RNF38: variants seen among roughly 807,000 people sequenced by gnomAD.
RNF38 encodes the protein ring finger protein 38.
In RNF38, 15 loss-of-function variants were observed where a neutral mutation model predicts 67.2. That is an observed-to-expected ratio of 0.22 (90% CI 0.15 to 0.34). The LOEUF (loss-of-function observed/expected upper bound fraction) is 0.34, where lower values mean the gene tolerates loss of function less well. Among genes scored for constraint, RNF38 ranks in the 10% least tolerant of loss-of-function variants. RNF38 has a pLI of 1.00. For synonymous variants in RNF38, 220 were observed against 218.8 expected, an observed-to-expected ratio of 1.01 and a Z score of -0.05; for missense variants, 524 against 639.9, an observed-to-expected ratio of 0.82 and a Z score of 1.95.
chr9:36,338,041 G>A lies in RNF38; in HGVS notation c.*1711C>T, dbSNP rs1395842228. ...TAACACTGAATGGAAAACTGACACA[G>A]AGCCAACTGAAAGTTGAGTGGGGCT... On this transcript the variant is annotated 3_prime_UTR_variant, in exon 12 of 12. Coordinates refer to ENST00000259605, the MANE Select transcript of RNF38 (RefSeq NM_022781.5). 6.5e-6 allele frequency: 1 copy of A among 152,678 alleles called. No individual in the cohort carries two copies. Among genetic ancestry groups the A allele is most frequent in the African/African-American group, 2.4e-5 (1 of 41,464 alleles). The allele number at this position is 152,678 out of a possible 1,614,324, so 9.5% of individuals were successfully genotyped here. A position where few individuals can be genotyped will look rare whatever the true frequency, so the allele number is the denominator to read the frequency against.
At chr9:36,372,831 A>G (rs1165790438) in intron 3 of RNF38, among the ~76,000 whole-genome samples, 1 of 152,012 alleles carries the variant, frequency 6.6e-6, no homozygotes, top group Non-Finnish European at 1.5e-5. Flanking sequence ...TAGCAATTCT[A>G]CTCCTAGACT....
intron 1 of RNF38, among the ~76,000 whole-genome samples, chr9:36,457,934 G>C (rs746369667): frequency 3.3e-5 from 5 of 152,206 alleles, no homozygotes; most frequent in Non-Finnish European, 7.3e-5. Flanking sequence ...ATTTGTGCAT[G>C]TGTTAGGTTG....
chr9:36,418,673 C>A (rs1472446752), intron 2 of RNF38, among the ~76,000 whole-genome samples: 1 of 152,122 alleles, frequency 6.6e-6, no homozygotes, highest in African/African-American at 2.4e-5. Context: ...GTAATCCCAG[C>A]AACTCAGGAG....
chr9:36,358,954 TG>T (rs954677146), intron 4 of RNF38, among the ~76,000 whole-genome samples: 5 of 152,146 alleles, frequency 3.3e-5, no homozygotes, highest in Admixed American at 6.6e-5. Flanking sequence ...GAAGTTGCAG[TG>T]AGCTGAGATC....
chr9:36,441,616 C>T (rs1046532281), intron 1 of RNF38, among the ~76,000 whole-genome samples: 1 of 152,184 alleles, frequency 6.6e-6, no homozygotes, highest in South Asian at 2.1e-4. Flanking sequence ...GCCACCGCGC[C>T]TGGCCCCAAA....
At chr9:36,418,602 A>G (rs1268278123) in intron 2 of RNF38, among the ~76,000 whole-genome samples, 2 of 152,020 alleles carry the variant, frequency 1.3e-5, no homozygotes, top group East Asian at 3.9e-4. Context: ...CTTGGCCAAC[A>G]TGGTGAAACC....
At chr9:36,473,118 G>A (rs1460141602) in intron 1 of RNF38, among the ~76,000 whole-genome samples, 5 of 151,962 alleles carry the variant, frequency 3.3e-5, no homozygotes, top group South Asian at 2.1e-4. Flanking sequence ...GGTGACAAGC[G>A]CGAAACTCCA....
chr9:36,372,927 C>T (rs1008940380), intron 3 of RNF38, among the ~76,000 whole-genome samples: 3 of 152,196 alleles, frequency 2.0e-5, no homozygotes, highest in South Asian at 4.2e-4. Flanking sequence ...TACTAAGAGC[C>T]GGGTGCAGTG....
chr9:36,369,672 C>A (rs1269537703), intron 4 of RNF38, 47 bp downstream of exon 4: 7 of 1,443,778 alleles, frequency 4.8e-6, no homozygotes, highest in South Asian at 2.9e-5. Context: ...TCTCAAACTG[C>A]CACAAAATTT....
intron 2 of RNF38, among the ~76,000 whole-genome samples, chr9:36,377,699 T>C (rs1457075255): frequency 6.6e-6 from 1 of 152,168 alleles, no homozygotes; most frequent in Non-Finnish European, 1.5e-5. Flanking sequence ...ACGCTCAGGT[T>C]CCTGATATAA....
At chr9:36,360,385 C>T (rs940355288) in intron 4 of RNF38, among the ~76,000 whole-genome samples, 1 of 152,124 alleles carries the variant, frequency 6.6e-6, no homozygotes, top group African/African-American at 2.4e-5. Context: ...TTAGAATCTC[C>T]TTTCCTAGGT....
chr9:36,414,005 G>GT (rs1312710391), intron 2 of RNF38, among the ~76,000 whole-genome samples: 11 of 152,180 alleles, frequency 7.2e-5, no homozygotes, highest in Non-Finnish European at 1.0e-4. Flanking sequence ...TTTGTTAACT[G>GT]TTACTGCTTT....
chr9:36,465,161 G>GT (rs2134390330), intron 1 of RNF38, among the ~76,000 whole-genome samples: 1 of 152,264 alleles, frequency 6.6e-6, no homozygotes, highest in East Asian at 1.9e-4. Context: ...ACTGCTGGTG[G>GT]GAATATAAAA....
chr9:36,370,313 C>CT (rs1289549278), intron 3 of RNF38, among the ~76,000 whole-genome samples: 3 of 152,022 alleles, frequency 2.0e-5, no homozygotes, highest in Admixed American at 6.6e-5. Flanking sequence ...CTGTAGATAC[C>CT]TTGTCAGTGT....
chr9:36,446,907 G>A lies in RNF38; in HGVS notation n.242-22224C>T, dbSNP rs1048019599. 5.3e-5 allele frequency among the ~76,000 whole-genome samples: 8 copies of A among 149,992 alleles called. 1 individual carries two copies. In the East Asian group the frequency reaches 1.6e-3, roughly 29 times the overall value. On this transcript the variant is annotated intron_variant and non_coding_transcript_variant, in intron 1 of 3. Coordinates refer to the RNF38 transcript ENST00000488058. ...AGGCTGAGGTGGGCGGATCACTTGAGGTCAGGAGTTCGAGACCAATCTGGC... is the reference window on the plus strand; with the variant it reads ...AGGCTGAGGTGGGCGGATCACTTGAAGTCAGGAGTTCGAGACCAATCTGGC...
At chr9:36,431,643 C>T (rs1838937176) in intron 1 of RNF38, among the ~76,000 whole-genome samples, 1 of 152,188 alleles carries the variant, frequency 6.6e-6, no homozygotes, top group South Asian at 2.1e-4. Context: ...CTCCCAGCAC[C>T]TCAATGTCTT....
At chr9:36,393,524 G>GGT (rs1837293805) in intron 1 of RNF38, among the ~76,000 whole-genome samples, 1 of 84,300 alleles carries the variant, frequency 1.2e-5, no homozygotes, top group African/African-American at 3.9e-5. Flanking sequence ...TGTGTGTGTG[G>GGT]GGCAGGCAGT....
rs908120542 is a variant in RNF38, at chr9:36,375,936, T to C, written c.354A>G (p.Arg118=). ...ERCNTPARNR[R]SPPVRRQRGR... ...GAAATAAATTGTAATCAACTAACCTTCTTCTGTTGCGTGCAGGTGTGTTGC... is the reference window on the plus strand; with the variant it reads ...GAAATAAATTGTAATCAACTAACCTCCTTCTGTTGCGTGCAGGTGTGTTGC... Residue 118 remains arginine, a splice_region_variant and synonymous_variant, in exon 3 of 12, where the codon AGA becomes AGG. Transcript: ENST00000259605. 1.2e-6 allele frequency: 2 copies of C among 1,603,360 alleles called. No individual in the cohort carries two copies. The highest frequency in any genetic ancestry group is 2.7e-5 in the African/African-American group (2 of 74,436).
At chr9:36,356,997 G>GA (rs1564005465) in intron 5 of RNF38, among the ~76,000 whole-genome samples, 1 of 152,150 alleles carries the variant, frequency 6.6e-6, no homozygotes, top group Admixed American at 6.5e-5. Context: ...AATCTGTTAA[G>GA]TTAGTATTGG....
Sources: allele counts gnomAD v4.1 joint callset (sites outside exome capture counted in the v4.1 genomes callset), GRCh38; gene constraint gnomAD v4.1.1; transcripts MANE v1.5; gene names NCBI Gene and HGNC (gene_info 2026-07-23, HGNC 2026-07-21).